The following ZCCHC7 variants were observed in gnomAD, a reference collection of about 807,000 sequenced individuals.
ZCCHC7 encodes zinc finger CCHC-type containing 7.
Under a neutral mutation model 52.0 loss-of-function variants are expected in ZCCHC7, and 35 were observed. The ratio of observed to expected loss-of-function variants is 0.67; its 90% CI spans 0.51 to 0.89. The LOEUF (loss-of-function observed/expected upper bound fraction) is 0.89, where lower values mean the gene tolerates loss of function less well. ZCCHC7 is among the 40% of genes least tolerant of loss of function. The pLI is 0.00. For missense variants in ZCCHC7, 574 were observed against 649.1 expected (o/e 0.88, Z 1.26); for synonymous variants, 217 against 221.5 (o/e 0.98, Z 0.18).
chr9:37,133,534 C>A (rs955298177), intron 2 of ZCCHC7, among the ~76,000 whole-genome samples: 7 of 151,684 alleles, frequency 4.6e-5, no homozygotes, highest in Non-Finnish European at 1.0e-4. Context: ...TGCCACCATG[C>A]TTGGCTAATT....
chr9:37,162,772 G>A (rs1458988211), intron 2 of ZCCHC7, among the ~76,000 whole-genome samples: 2 of 152,102 alleles, frequency 1.3e-5, no homozygotes, highest in Non-Finnish European at 2.9e-5. Context: ...TTTATCTTTC[G>A]AAGGAAACAA....
chr9:37,259,099 G>A (rs1021916026), intron 2 of ZCCHC7, among the ~76,000 whole-genome samples: 15 of 152,158 alleles, frequency 9.9e-5, no homozygotes, highest in African/African-American at 3.4e-4. Flanking sequence ...TTGGGTTAGC[G>A]TCTAATGGTC....
chr9:37,313,314 A>G (rs996764104), intron 5 of ZCCHC7, among the ~76,000 whole-genome samples: 25 of 152,218 alleles, frequency 1.6e-4, no homozygotes, highest in Non-Finnish European at 2.9e-5. Flanking sequence ...GTTGATTTCT[A>G]TACTTGAAGG....
chr9:37,216,802 CTT>C (rs1405854388), intron 2 of ZCCHC7, among the ~76,000 whole-genome samples: 1 of 152,070 alleles, frequency 6.6e-6, no homozygotes, highest in Non-Finnish European at 1.5e-5. Flanking sequence ...AAACGGAAGT[CTT>C]TGTAATTTTA....
intron 6 of ZCCHC7, among the ~76,000 whole-genome samples, chr9:37,347,351 A>C (rs918071366): frequency 6.6e-6 from 1 of 152,096 alleles, no homozygotes; most frequent in Non-Finnish European, 1.5e-5. Context: ...TCTCTCTCCT[A>C]CAACTTCCAT....
chr9:37,246,981 G>C (rs1826106543), intron 2 of ZCCHC7, among the ~76,000 whole-genome samples: 2 of 152,090 alleles, frequency 1.3e-5, no homozygotes, highest in Non-Finnish European at 1.5e-5. Context: ...TAAGAATACA[G>C]TGTATCGTTA....
intron 2 of ZCCHC7, among the ~76,000 whole-genome samples, chr9:37,276,042 G>A (rs2082037107): frequency 6.6e-6 from 1 of 152,160 alleles, no homozygotes; most frequent in Non-Finnish European, 1.5e-5. Flanking sequence ...GCGAACACAT[G>A]ATATTGTTAG....
At chr9:37,274,473 G>A (rs1414321179) in intron 2 of ZCCHC7, among the ~76,000 whole-genome samples, 1 of 151,052 alleles carries the variant, frequency 6.6e-6, no homozygotes, top group Non-Finnish European at 1.5e-5. Flanking sequence ...CTAAGTAGCT[G>A]GAGTCACAGG....
At chr9:37,129,563 T>A (rs1842688010) in intron 2 of ZCCHC7, among the ~76,000 whole-genome samples, 1 of 152,214 alleles carries the variant, frequency 6.6e-6, no homozygotes, top group Non-Finnish European at 1.5e-5. Flanking sequence ...TCATATAATC[T>A]TTAGAGAGAA....
chr9:37,304,556 C>T (rs892195829), intron 4 of ZCCHC7, among the ~76,000 whole-genome samples: 4 of 151,722 alleles, frequency 2.6e-5, no homozygotes, highest in African/African-American at 9.7e-5. Context: ...ACTTGGGAGG[C>T]TGAGGCAGGA....
chr9:37,140,854 T>A (rs1174285332), intron 2 of ZCCHC7, among the ~76,000 whole-genome samples: 2 of 151,950 alleles, frequency 1.3e-5, no homozygotes, highest in Non-Finnish European at 2.9e-5. Context: ...ATTTTTAAAT[T>A]CCGTTAAGAT....
intron 2 of ZCCHC7, among the ~76,000 whole-genome samples, chr9:37,140,611 T>G (rs1211952877): frequency 2.0e-5 from 3 of 152,020 alleles, no homozygotes; most frequent in South Asian, 2.1e-4. Context: ...TCCCTTTATT[T>G]TTCTGTTTGA....
intron 2 of ZCCHC7, among the ~76,000 whole-genome samples, chr9:37,279,850 CAG>C (rs1426894261): frequency 6.6e-6 from 1 of 151,652 alleles, no homozygotes; most frequent in African/African-American, 2.4e-5. Context: ...ATAGTAGTAA[CAG>C]AGGTAAACAA....
chr9:37,174,014 A>G (rs1416168902), intron 2 of ZCCHC7, among the ~76,000 whole-genome samples: 1 of 152,198 alleles, frequency 6.6e-6, no homozygotes, highest in African/African-American at 2.4e-5. Context: ...AATTATTACA[A>G]AAATTCGATG....
chr9:37,138,981 T>A (rs73646325), intron 2 of ZCCHC7, among the ~76,000 whole-genome samples: 1 of 151,998 alleles, frequency 6.6e-6, no homozygotes, highest in East Asian at 1.9e-4. Context: ...CAAAGAAATA[T>A]AGAATGGAGA....
At chr9:37,204,017 G>A (rs1463847432) in intron 2 of ZCCHC7, among the ~76,000 whole-genome samples, 1 of 152,154 alleles carries the variant, frequency 6.6e-6, no homozygotes, top group Non-Finnish European at 1.5e-5. Context: ...GCATGAGATG[G>A]TACCTCATTG....
At chr9:37,336,429 TG>T (rs1830663979) in intron 6 of ZCCHC7, among the ~76,000 whole-genome samples, 1 of 152,134 alleles carries the variant, frequency 6.6e-6, no homozygotes, top group Non-Finnish European at 1.5e-5. Context: ...CTTGCAGCTG[TG>T]GAATTCCCTG....
chr9:37,150,909 C>T (rs1042087876), intron 2 of ZCCHC7, among the ~76,000 whole-genome samples: 4 of 150,918 alleles, frequency 2.7e-5, no homozygotes, highest in African/African-American at 9.7e-5. Flanking sequence ...TTCTGTGAAT[C>T]TCTGTAGCAT....
intron 1 of ZCCHC7, 139 bp downstream of exon 1, chr9:37,120,762 A>G (rs1185052361): frequency 1.8e-5 from 6 of 341,050 alleles, no homozygotes; most frequent in African/African-American, 2.1e-5. Flanking sequence ...CACTCGTGGC[A>G]GGGCGCAGCT....
Sources: gnomAD v4.1 joint callset for allele counts (sites outside exome capture counted in the v4.1 genomes callset) on GRCh38, gnomAD v4.1.1 for gene constraint, MANE v1.5 for transcripts, NCBI Gene and HGNC (gene_info 2026-07-23, HGNC 2026-07-21) for gene names.